ARHGEF1: variants seen among roughly 807,000 people sequenced by gnomAD.
ARHGEF1 encodes Rho guanine nucleotide exchange factor 1, also known as 115 kDa guanine nucleotide exchange factor.
Under a neutral mutation model 119.7 loss-of-function variants are expected in ARHGEF1, and 40 were observed. That is an observed-to-expected ratio of 0.33 (90% confidence interval 0.26 to 0.44). ARHGEF1 has a LOEUF of 0.44. ARHGEF1 is among the 20% of genes least tolerant of loss of function. ARHGEF1 has a pLI of 1.00. For missense variants in ARHGEF1, 976 were observed against 1,268.3 expected, an observed-to-expected ratio of 0.77 and a Z score of 3.50; for synonymous variants, 494 against 521.0, an observed-to-expected ratio of 0.95 and a Z score of 0.71.
chr19:41,888,678 C>T lies in ARHGEF1; in HGVS notation c.112-74C>T, dbSNP rs1422657611. 10 of 1,424,184 alleles carry T rather than the reference C, an allele frequency of 7.0e-6. No individual in the cohort carries two copies. The highest frequency in any genetic ancestry group is 9.8e-6 in the Non-Finnish European group (10 of 1,016,544). 88.2% of individuals were successfully genotyped at this position (1,424,184 alleles called of 1,614,324 possible). A position where few individuals can be genotyped will look rare whatever the true frequency, so the allele number is the denominator to read the frequency against. On this transcript the variant is annotated intron_variant, in intron 3 of 28. Transcript: ENST00000354532. The surrounding 1 kb of genome is among the most constrained non-coding windows in gnomAD (Gnocchi z 5.1). ...CCTGGCTTGGATCCCTTGTGAAGTGCCAGGAATGGGTAGGGTCAACCCTAA... is the reference window on the plus strand; with the variant it reads ...CCTGGCTTGGATCCCTTGTGAAGTGTCAGGAATGGGTAGGGTCAACCCTAA...
At chr19:41,926,498 A>G (rs2074871114) in intron 1 of ARHGEF1, among the ~76,000 whole-genome samples, 1 of 152,118 alleles carries the variant, frequency 6.6e-6, no homozygotes, top group Non-Finnish European at 1.5e-5. Flanking sequence ...TGACTCTGCC[A>G]GATGGTCTGC....
intron 18 of ARHGEF1, among the ~76,000 whole-genome samples, chr19:41,914,994 T>G (rs2074790980): frequency 1.1e-5 from 1 of 92,590 alleles, no homozygotes. Context: ...AGCATCTCTG[T>G]CTCTCCTGTC....
chr19:41,912,091 A>G (rs1858063689), downstream of ARHGEF1, among the ~76,000 whole-genome samples: 1 of 152,180 alleles, frequency 6.6e-6, no homozygotes, highest in African/African-American at 2.4e-5. Flanking sequence ...ACAGTCGGAG[A>G]GCTGGCAGAC....
upstream of ARHGEF1, among the ~76,000 whole-genome samples, chr19:41,919,257 A>G (rs558919630): frequency 6.6e-6 from 1 of 152,296 alleles, no homozygotes; most frequent in African/African-American, 2.4e-5. Flanking sequence ...AACACACAGA[A>G]GCACACAGGG....
In ARHGEF1 at chr19:41,902,731, C is replaced by T; in HGVS notation, c.1624-53C>T. 1.2e-6 allele frequency: 2 copies of T among 1,613,440 alleles called. No homozygotes were observed. Among genetic ancestry groups the T allele is most frequent in the Non-Finnish European group, 1.7e-6 (2 of 1,179,806 alleles). On this transcript the variant is annotated intron_variant, in intron 17 of 28. Transcript: ENST00000354532. The surrounding 1 kb of genome is among the most constrained non-coding windows in gnomAD (Gnocchi z 6.5). ...GACCCAGACTCCTAGGTGCCTGCGCCCTGGGGTGAGCCCAAAGCCTGGGCC... is the reference window on the plus strand; with the variant it reads ...GACCCAGACTCCTAGGTGCCTGCGCTCTGGGGTGAGCCCAAAGCCTGGGCC...
At chr19:41,884,597 C>A (rs2074265602) in intron 1 of ARHGEF1, 3 of 1,436,322 alleles carry the variant, frequency 2.1e-6, no homozygotes, top group African/African-American at 2.8e-5. Flanking sequence ...ATTTAGGGCC[C>A]GCGTAAGACC....
intron 1 of ARHGEF1, among the ~76,000 whole-genome samples, chr19:41,885,955 G>A (rs1367893747): frequency 7.9e-5 from 12 of 151,732 alleles, no homozygotes; most frequent in African/African-American, 2.7e-4. Flanking sequence ...ATGTTAGCCA[G>A]GCTGGTCTCG....
intron 18 of ARHGEF1, among the ~76,000 whole-genome samples, chr19:41,914,139 T>C (rs2074771859): frequency 7.2e-6 from 1 of 139,110 alleles, no homozygotes; most frequent in Non-Finnish European, 1.5e-5. Context: ...TCGCCCGGTC[T>C]CCCCACAGAG....
intron 1 of ARHGEF1, chr19:41,884,360 G>C (rs1339559643): frequency 6.8e-7 from 1 of 1,477,440 alleles, no homozygotes; most frequent in Non-Finnish European, 9.2e-7. Flanking sequence ...CTGGCAGGAG[G>C]AGTGGAGCTG....
chr19:41,890,005 A>C (rs2074350814), intron 4 of ARHGEF1: 1 of 152,114 alleles, frequency 6.6e-6, no homozygotes, highest in African/African-American at 2.4e-5. Context: ...GACTTGCCTG[A>C]GGTGACCCCG....
intron 9 of ARHGEF1, 38 bp downstream of exon 9, chr19:41,894,344 C>T (rs2074440963): frequency 6.6e-7 from 1 of 1,517,234 alleles, no homozygotes; most frequent in African/African-American, 1.4e-5. Context: ...CCTTTCCTCT[C>T]CAGAGACGCC....
At chr19:41,894,135 A>AGTGGGTGTGTGTGT (rs2074433805) in intron 8 of ARHGEF1, 72 bp from the exon 9 acceptor site, 2 of 442,016 alleles carry the variant, frequency 4.5e-6, no homozygotes, top group African/African-American at 4.8e-5. Flanking sequence ...TGTGTGTGTG[A>AGTGGGTGTGTGTGT]GTGTGTGTGT....
rs2074624193 is a variant in ARHGEF1, at chr19:41,902,730, C to T, written c.1624-54C>T. On this transcript the variant is annotated intron_variant, in intron 17 of 28. Transcript: ENST00000354532. This position sits in a 1 kb window ranked among gnomAD's most constrained non-coding sequence, Gnocchi z 6.5. ...AGACCCAGACTCCTAGGTGCCTGCG[C>T]CCTGGGGTGAGCCCAAAGCCTGGGC... 2.0e-5 allele frequency: 33 copies of T among 1,613,384 alleles called. No individual in the cohort carries two copies. The highest frequency in any genetic ancestry group is 2.8e-5 in the Non-Finnish European group (33 of 1,179,720).
rs368741474 is a variant in ARHGEF1 at position 41,902,936 on chromosome 19, C to CT, written c.1738+48dup. 0.022 allele frequency: 25,533 copies of CT among 1,175,558 alleles called. 1 individual carries two copies. The highest frequency in any genetic ancestry group is 0.027 in the Middle Eastern group (97 of 3,654). The allele number at this position is 1,175,558 out of a possible 1,614,324, so 72.8% of individuals were successfully genotyped here. A position where few individuals can be genotyped will look rare whatever the true frequency, so the allele number is the denominator to read the frequency against. Reference sequence around the variant, plus strand: ...TGGATCTCTGGGCCTCGGCTCTCCTCTTTTTTTTTTACATTTTTTTTCTCA... The same window carrying CT: ...TGGATCTCTGGGCCTCGGCTCTCCTCTTTTTTTTTTTACATTTTTTTTCTCA... On this transcript the variant is annotated intron_variant, in intron 18 of 28. Transcript: ENST00000354532. This position sits in a 1 kb window ranked among gnomAD's most constrained non-coding sequence, Gnocchi z 6.5.
Position 41,905,882 on chromosome 19 carries a change from G to A in ARHGEF1, c.2404+55G>A. On this transcript the variant is annotated intron_variant, in intron 25 of 28. Coordinates refer to ENST00000354532, the MANE Select transcript of ARHGEF1 (RefSeq NM_004706.4). This position sits in a 1 kb window ranked among gnomAD's most constrained non-coding sequence, Gnocchi z 6.4. Reference sequence around the variant, plus strand: ...CCAGGTTGGGGCTGCCGGGTGAAGAGAGGCATCCACAGGAGGCCCGGCAGG... The same window carrying A: ...CCAGGTTGGGGCTGCCGGGTGAAGAAAGGCATCCACAGGAGGCCCGGCAGG... The A allele has an allele frequency of 1.9e-6, 3 of 1,613,144 alleles. No homozygotes were observed. The highest frequency in any genetic ancestry group is 1.1e-5 in the South Asian group (1 of 91,068).
chr19:41,907,409 C>G lies in ARHGEF1; in HGVS notation c.*322C>G. The G allele has an allele frequency of 6.5e-7, 1 of 1,533,294 alleles. No homozygotes were observed. Among genetic ancestry groups the G allele is most frequent in the Non-Finnish European group, 8.7e-7 (1 of 1,145,974 alleles). 95.0% of individuals were successfully genotyped at this position (1,533,294 alleles called of 1,614,324 possible). A position where few individuals can be genotyped will look rare whatever the true frequency, so the allele number is the denominator to read the frequency against. On this transcript the variant is annotated 3_prime_UTR_variant, in exon 29 of 29. Coordinates refer to ENST00000354532, the MANE Select transcript of ARHGEF1 (RefSeq NM_004706.4). ...AAGTGCCTTCGCTCTGTTTTTATAC[C>G]CTGAATTGGAGGTTTATTTTTTAAT...
In ARHGEF1 at chr19:41,924,190, TC is replaced by T. The variant is rs1178128457; in HGVS notation, c.140+960del. 2.4e-4 allele frequency among the ~76,000 whole-genome samples: 36 copies of T among 151,502 alleles called. 1 individual carries two copies. Among genetic ancestry groups the T allele is most frequent in the Admixed American group, 2.3e-3 (35 of 15,230 alleles). On this transcript the variant is annotated intron_variant, in intron 1 of 2. Coordinates refer to the ARHGEF1 transcript ENST00000594417. ...AATGGAGAAGCAAGTGTCACCAAAG[TC>T]CCTAGGTGGATAGGTGTGTCTGTGG... is the stretch of plus-strand genomic sequence containing the variant.
At position 41,917,586 on chromosome 19, in the gene ARHGEF1, G is replaced by A. The variant is rs1022500734; in HGVS notation, c.1866-5506G>A. 2.0e-4 allele frequency among the ~76,000 whole-genome samples: 30 copies of A among 151,290 alleles called. No individual in the cohort carries two copies. The highest frequency in any genetic ancestry group is 2.7e-4 in the African/African-American group (11 of 41,048). The stretch of plus-strand genomic sequence containing the variant: ...GGCTCTGTCTAAAGAGGAGAGAGAC[G>A]CGGCCTAAGACCCTTCTGCCACCGC... On this transcript the variant is annotated intron_variant, in intron 18 of 20. Coordinates refer to the ARHGEF1 transcript ENST00000599589. The surrounding 1 kb of genome is among the most constrained non-coding windows in gnomAD (Gnocchi z 4.8).
Position 41,906,897 on chromosome 19 carries a change from CTT to C in ARHGEF1, c.*17+96_*17+97del. On this transcript the variant is annotated intron_variant, in intron 28 of 28. Transcript: ENST00000354532. This position sits in a 1 kb window ranked among gnomAD's most constrained non-coding sequence, Gnocchi z 4.5. The stretch of plus-strand genomic sequence containing the variant: ...TACAGCCCCTTCTGTCCATCTCCCT[CTT>C]TGTCTTTTCTGAATCTCCCCACTCC... The C allele has an allele frequency of 4.6e-6, 5 of 1,075,672 alleles. No individual in the cohort carries two copies. The highest frequency in any genetic ancestry group is 1.6e-5 in the African/African-American group (1 of 62,144). The allele number at this position is 1,075,672 out of a possible 1,614,324, so 66.6% of individuals were successfully genotyped here.
Sources: gnomAD v4.1 joint callset for allele counts (sites outside exome capture counted in the v4.1 genomes callset) on GRCh38, gnomAD v4.1.1 for gene constraint, Gnocchi (gnomAD v3.1) non-coding constraint, MANE v1.5 for transcripts, NCBI Gene and HGNC (gene_info 2026-07-23, HGNC 2026-07-21) for gene names.